Variants in ARRDC3 observed in about 807,000 individuals in gnomAD.
The protein encoded by ARRDC3 is arrestin domain-containing protein 3.
In ARRDC3, 10 loss-of-function variants were observed where a neutral mutation model predicts 47.2. The ratio of observed to expected loss-of-function variants is 0.21; its 90% CI spans 0.13 to 0.36. The LOEUF (loss-of-function observed/expected upper bound fraction) is 0.36, where lower values mean the gene tolerates loss of function less well. ARRDC3 is among the 10% of genes least tolerant of loss of function. The pLI, the probability that ARRDC3 is intolerant of heterozygous loss-of-function variation, is 1.00. For synonymous variants in ARRDC3, 156 were observed against 178.3 expected, an observed-to-expected ratio of 0.87 and a Z score of 1.00; for missense variants, 381 against 503.6, an observed-to-expected ratio of 0.76 and a Z score of 2.33.
chr5:91,383,317 CG>C, upstream of ARRDC3: 1 of 441,486 alleles, frequency 2.3e-6, no homozygotes, highest in Non-Finnish European at 4.0e-6. Context: ...CTTACAAAGA[CG>C]GGCGGCTAAA....
intron 3 of ARRDC3, 21 bp from the exon 4 acceptor site, chr5:91,375,634 GA>G: frequency 1.3e-6 from 2 of 1,554,244 alleles, no homozygotes; most frequent in South Asian, 1.1e-5. Context: ...AAAATTAAGA[GA>G]AAAAGGTCAG....
chr5:91,381,185 T>A (rs960739905), intron 1 of ARRDC3, among the ~76,000 whole-genome samples: 4 of 151,150 alleles, frequency 2.6e-5, no homozygotes, highest in African/African-American at 9.7e-5. Flanking sequence ...ACTGAGCTCG[T>A]CTACGCGTTG....
At position 91,383,268 on chromosome 5, in the gene ARRDC3, A is replaced by C; in HGVS notation, c.-176T>G. 4.8e-6 allele frequency: 3 copies of C among 620,118 alleles called. No homozygotes were observed. Among genetic ancestry groups the C allele is most frequent in the Non-Finnish European group, 5.3e-6 (2 of 375,606 alleles). 38.4% of individuals were successfully genotyped at this position (620,118 alleles called of 1,614,324 possible). A position where few individuals can be genotyped will look rare whatever the true frequency, so the allele number is the denominator to read the frequency against. ...ATTTCTTAAAAAGTCAGGGCAGCAG[A>C]GGCTGCTGCTCCGCGCTCCCGCTCG... is the stretch of plus-strand genomic sequence containing the variant. On this transcript the variant is annotated 5_prime_UTR_variant, in exon 1 of 8. Coordinates refer to ENST00000265138, the MANE Select transcript of ARRDC3 (RefSeq NM_020801.4).
chr5:91,374,232 C>T lies in ARRDC3; in HGVS notation c.915G>A (p.Leu305=). ...IPGAMDLFLN[L]PLVIGTIPLH... ...GAGGAATGGTACCGATGACAAGTGGCAAATTAAGAAATAAATCCATAGCTC... is the reference window on the plus strand; with the variant it reads ...GAGGAATGGTACCGATGACAAGTGGTAAATTAAGAAATAAATCCATAGCTC... The change falls in exon 6 of 8, where the codon TTG becomes TTA. Residue 305 remains leucine, a synonymous_variant. Coordinates refer to ENST00000265138, the MANE Select transcript of ARRDC3 (RefSeq NM_020801.4). 6.2e-7 allele frequency: 1 copy of T among 1,613,740 alleles called. No individual in the cohort carries two copies. The highest frequency in any genetic ancestry group is 2.2e-5 in the East Asian group (1 of 44,828).
chr5:91,382,755 G>T (rs1383586797), intron 1 of ARRDC3, 58 bp downstream of exon 1: 1 of 1,521,780 alleles, frequency 6.6e-7, no homozygotes, highest in African/African-American at 1.4e-5. Flanking sequence ...TCAGAAAACT[G>T]AAAAGGTACG....
Position 91,371,167 on chromosome 5 carries a change from T to C in ARRDC3, c.*233A>G, listed in dbSNP as rs1799166848. On this transcript the variant is annotated 3_prime_UTR_variant, in exon 8 of 8. Coordinates refer to ENST00000265138, the MANE Select transcript of ARRDC3 (RefSeq NM_020801.4). ...CATAGGCTAAGAAGACTGCTCTGAG[T>C]ATGTGCCAGTTTTAAAAGAGAAAAG... 1 of 531,256 alleles carries C rather than the reference T, an allele frequency of 1.9e-6. No homozygotes were observed. Among genetic ancestry groups the C allele is most frequent in the Non-Finnish European group, 3.3e-6 (1 of 298,724 alleles). The allele number at this position is 531,256 out of a possible 1,614,324, so 32.9% of individuals were successfully genotyped here.
intron 2 of ARRDC3, among the ~76,000 whole-genome samples, chr5:91,378,273 G>C (rs897603137): frequency 4.0e-4 from 61 of 152,076 alleles, no homozygotes; most frequent in African/African-American, 1.4e-3. Context: ...GAAACTTACT[G>C]CTATTGGTTA....
chr5:91,378,084 T>C (rs1481770239), intron 2 of ARRDC3, among the ~76,000 whole-genome samples: 4 of 152,100 alleles, frequency 2.6e-5, no homozygotes, highest in Non-Finnish European at 4.4e-5. Flanking sequence ...ACTTTCCTTT[T>C]TCCTTTCTTA....
chr5:91,382,907 A>G lies in ARRDC3; in HGVS notation c.186T>C (p.Ser62=). The G allele has an allele frequency of 6.2e-7, 1 of 1,614,184 alleles. No individual in the cohort carries two copies. The change falls in exon 1 of 8, where the codon TCT becomes TCC. Residue 62 remains serine, a synonymous_variant. Transcript: ENST00000265138. ...AGGCAGTATTGGAGCCGGCGTTTCT[A>G]GATTCAGTCCAGCGTACTTTCGCAT... ...RGHAKVRWTE[S]RNAGSNTAYT...
At chr5:91,371,864 C>T (rs1799185531) in intron 7 of ARRDC3, among the ~76,000 whole-genome samples, 1 of 152,246 alleles carries the variant, frequency 6.6e-6, no homozygotes, top group African/African-American at 2.4e-5. Context: ...CATCCTTCTA[C>T]AAAAAAGTTA....
chr5:91,376,300 A>AG (rs1403947026), intron 3 of ARRDC3, among the ~76,000 whole-genome samples: 1 of 152,186 alleles, frequency 6.6e-6, no homozygotes, highest in African/African-American at 2.4e-5. Context: ...AAAAGATACT[A>AG]CTGCTCTTCT....
Position 91,373,738 on chromosome 5 carries a change from T to C in ARRDC3, c.1134A>G (p.Pro378=). 6.2e-7 allele frequency: 1 copy of C among 1,614,052 alleles called. No homozygotes were observed. Among genetic ancestry groups the C allele is most frequent in the Non-Finnish European group, 8.5e-7 (1 of 1,179,962 alleles). The change falls in exon 7 of 8, where the codon CCA becomes CCG. Residue 378 remains proline (P), a synonymous_variant. Transcript: ENST00000265138. ...GAAACTCCTGGATATATGCAAACAG[T>C]GGTCCTTGAAGGGCTCTCTCAAAGT... ...CDDFERALQG[P]LFAYIQEFRF...
intron 2 of ARRDC3, among the ~76,000 whole-genome samples, chr5:91,377,241 GC>G (rs1447504067): frequency 6.6e-6 from 1 of 152,104 alleles, no homozygotes; most frequent in Non-Finnish European, 1.5e-5. Context: ...TCTAGAAAAG[GC>G]CTGGAATAGT....
At chr5:91,372,829 T>G (rs916540156) in intron 7 of ARRDC3, among the ~76,000 whole-genome samples, 1 of 152,152 alleles carries the variant, frequency 6.6e-6, no homozygotes, top group Non-Finnish European at 1.5e-5. Context: ...AAAAAGCTGA[T>G]TCTAGTAATT....
Position 91,382,965 on chromosome 5 carries a change from C to G in ARRDC3, c.128G>C (p.Arg43Thr). 1.2e-6 allele frequency: 2 copies of G among 1,614,140 alleles called. No homozygotes were observed. Among genetic ancestry groups the G allele is most frequent in the Non-Finnish European group, 8.5e-7 (1 of 1,180,030 alleles). The change falls in exon 1 of 8, where the codon AGA (arginine) becomes ACA (threonine). Residue 43 changes from arginine (R) to threonine (T), a missense_variant. Transcript: ENST00000265138. ...RVNLEVTGEIRVKSLKIHARG... is the reference protein window; with the variant it reads ...RVNLEVTGEITVKSLKIHARG... Reference sequence around the variant, plus strand: ...TGCATGAATTTTAAGAGATTTTACTCTGATTTCCCCAGTAACTTCTAAATT... The same window carrying G: ...TGCATGAATTTTAAGAGATTTTACTGTGATTTCCCCAGTAACTTCTAAATT...
At chr5:91,376,911 G>A in intron 2 of ARRDC3, 143 bp from the exon 3 acceptor site, 2 of 746,718 alleles carry the variant, frequency 2.7e-6, no homozygotes, top group Admixed American at 4.2e-5. Flanking sequence ...ATTTCCAAAG[G>A]GATAAGTCAC....
rs995287397 is a variant in ARRDC3, at chr5:91,375,704, A to T, written c.511-91T>A. On this transcript the variant is annotated intron_variant, in intron 3 of 7. Coordinates refer to ENST00000265138, the MANE Select transcript of ARRDC3 (RefSeq NM_020801.4). The stretch of plus-strand genomic sequence containing the variant: ...TTAAAATATAACCCTAAATTTATGG[A>T]AAATTAAAAATTACAACTGGTTTTG... 7.3e-6 allele frequency: 6 copies of T among 824,550 alleles called. No individual in the cohort carries two copies. In the East Asian group the frequency reaches 1.8e-4, roughly 25 times the overall value. The allele number at this position is 824,550 out of a possible 1,614,324, so 51.1% of individuals were successfully genotyped here. A position where few individuals can be genotyped will look rare whatever the true frequency, so the allele number is the denominator to read the frequency against.
intron 1 of ARRDC3, among the ~76,000 whole-genome samples, 176 bp downstream of exon 1, chr5:91,382,637 A>C (rs1799478347): frequency 6.6e-6 from 1 of 152,260 alleles, no homozygotes; most frequent in African/African-American, 2.4e-5. Context: ...AGATGCCTGC[A>C]TGCATTACGG....
chr5:91,371,564 G>C (rs2127065934), intron 7 of ARRDC3, 108 bp from the exon 8 acceptor site: 1 of 779,490 alleles, frequency 1.3e-6, no homozygotes, highest in African/African-American at 1.7e-5. Flanking sequence ...TAATCAGAGA[G>C]CAAACACAGC....
Sources: allele counts gnomAD v4.1 joint callset (sites outside exome capture counted in the v4.1 genomes callset), GRCh38; gene constraint gnomAD v4.1.1; transcripts MANE v1.5; gene names NCBI Gene and HGNC (gene_info 2026-07-23, HGNC 2026-07-21).